AKAP19: variants seen among roughly 807,000 people sequenced by gnomAD.
The protein encoded by AKAP19 is small A-kinase anchoring protein.
At chr2:189,915,834 A>G in the AKAP19 span, among the ~76,000 whole-genome samples, 1 of 152,180 alleles carries the variant, frequency 6.6e-6, no homozygotes, top group East Asian at 1.9e-4. Context: ...CTTTGCATGC[A>G]ATAAGATGAA....
At chr2:189,917,615 C>T in the AKAP19 span, 2 of 355,376 alleles carry the variant, frequency 5.6e-6, no homozygotes, top group African/African-American at 4.3e-5. Context: ...AGAAAAGATT[C>T]TTGTGAGACC....
At chr2:189,978,959 A>G in the AKAP19 span, among the ~76,000 whole-genome samples, 5 of 152,098 alleles carry the variant, frequency 3.3e-5, no homozygotes, top group Admixed American at 2.0e-4. Flanking sequence ...AAAACATTCA[A>G]TGCTTATAGT....
the AKAP19 span, among the ~76,000 whole-genome samples, chr2:189,881,939 C>T: frequency 3.3e-5 from 5 of 152,134 alleles, no homozygotes; most frequent in Non-Finnish European, 7.4e-5. Flanking sequence ...TATTTGTATA[C>T]AGTGCAGCAA....
At chr2:190,163,390 C>T in the AKAP19 span, among the ~76,000 whole-genome samples, 4,571 of 151,068 alleles carry the variant, frequency 0.03, 118 homozygotes, top group Non-Finnish European at 0.048. Flanking sequence ...GCCGAGATCG[C>T]GCCACTGCAC....
At chr2:190,180,582 G>A in the AKAP19 span, 1 of 985,854 alleles carries the variant, frequency 1.0e-6, no homozygotes, top group South Asian at 4.7e-5. This position sits in a 1 kb window ranked among gnomAD's most constrained non-coding sequence, Gnocchi z 6.8. Flanking sequence ...GTTGCGGGGG[G>A]CGTGAGGGCG....
At chr2:189,988,299 G>A in the AKAP19 span, among the ~76,000 whole-genome samples, 1 of 152,180 alleles carries the variant, frequency 6.6e-6, no homozygotes, top group Non-Finnish European at 1.5e-5. Context: ...CTTTGATGTA[G>A]TTACTGGCAT....
the AKAP19 span, among the ~76,000 whole-genome samples, chr2:189,940,236 G>A: frequency 1.3e-4 from 20 of 149,128 alleles, no homozygotes; most frequent in African/African-American, 4.3e-4. Flanking sequence ...CCGAGATTGC[G>A]CCACTGCACT....
the AKAP19 span, among the ~76,000 whole-genome samples, chr2:190,151,029 T>C: frequency 0.019 from 2,871 of 152,248 alleles, 107 homozygotes; most frequent in African/African-American, 0.064. Flanking sequence ...AATTGGCCTT[T>C]TCATTCACTA....
At chr2:190,115,260 CATATATATATATATATATAT>C in the AKAP19 span, among the ~76,000 whole-genome samples, 267 of 11,162 alleles carry the variant, frequency 0.024, 7 homozygotes, top group African/African-American at 0.064. Context: ...AGGCAAGAAG[CATATATATATATATATATAT>C]ATATATATAT....
the AKAP19 span, among the ~76,000 whole-genome samples, chr2:190,059,027 T>A: frequency 1.3e-5 from 2 of 151,416 alleles, no homozygotes; most frequent in African/African-American, 4.8e-5. Context: ...CACATATATA[T>A]AATAAAGTAA....
chr2:190,029,080 C>A, the AKAP19 span, among the ~76,000 whole-genome samples: 1 of 149,920 alleles, frequency 6.7e-6, no homozygotes, highest in Admixed American at 6.6e-5. Context: ...GAGACGGAGT[C>A]TCACTCTTGT....
the AKAP19 span, among the ~76,000 whole-genome samples, chr2:190,069,136 A>G: frequency 0.028 from 3,516 of 127,748 alleles, 183 homozygotes; most frequent in East Asian, 0.2. Flanking sequence ...GTGCATGCAT[A>G]TGTGTGTGTG....
chr2:189,935,766 AT>A, the AKAP19 span, among the ~76,000 whole-genome samples: 2 of 152,154 alleles, frequency 1.3e-5, no homozygotes, highest in Non-Finnish European at 2.9e-5. Context: ...ATTAATAGGA[AT>A]TCAATGACTT....
the AKAP19 span, among the ~76,000 whole-genome samples, chr2:189,925,796 G>A: frequency 6.6e-6 from 1 of 152,084 alleles, no homozygotes. Flanking sequence ...GGCATGCAAG[G>A]ATACTAGAAG....
chr2:190,074,740 G>C, the AKAP19 span, among the ~76,000 whole-genome samples: 1 of 152,002 alleles, frequency 6.6e-6, no homozygotes, highest in Non-Finnish European at 1.5e-5. Context: ...TTTTAACTTA[G>C]GCCGTTAAGT....
At chr2:190,138,367 C>T in the AKAP19 span, among the ~76,000 whole-genome samples, 5 of 152,220 alleles carry the variant, frequency 3.3e-5, no homozygotes, top group Middle Eastern at 3.4e-3. Context: ...GAAGAGTGCT[C>T]ACAAAAATTG....
chr2:189,905,740 G>A, the AKAP19 span, among the ~76,000 whole-genome samples: 2 of 152,144 alleles, frequency 1.3e-5, no homozygotes, highest in South Asian at 4.1e-4. Flanking sequence ...AAGAAAGCTT[G>A]GGAATTTCTC....
At chr2:190,109,101 T>A in the AKAP19 span, among the ~76,000 whole-genome samples, 2 of 152,308 alleles carry the variant, frequency 1.3e-5, no homozygotes, top group East Asian at 3.9e-4. Flanking sequence ...TCTCATTGAT[T>A]TTGCATATGT....
chr2:190,195,309 T>C, the AKAP19 span, among the ~76,000 whole-genome samples: 1 of 152,226 alleles, frequency 6.6e-6, no homozygotes, highest in Non-Finnish European at 1.5e-5. Flanking sequence ...TTTGCATGGA[T>C]TTAAGCGTTC....
Sources: allele counts gnomAD v4.1 joint callset (sites outside exome capture counted in the v4.1 genomes callset), GRCh38; gene constraint gnomAD v4.1.1; non-coding constraint Gnocchi (gnomAD v3.1); transcripts MANE v1.5; gene names NCBI Gene and HGNC (gene_info 2026-07-23, HGNC 2026-07-21).